MIPOL1: variants seen among roughly 807,000 people sequenced by gnomAD.
The protein encoded by MIPOL1 is mirror-image polydactyly 1.
A neutral mutation model predicts 60.9 loss-of-function variants in MIPOL1; 57 were observed. The observed-to-expected ratio is 0.94, with a 90% CI of 0.76 to 1.17. The LOEUF is 1.17. Among genes scored for constraint, MIPOL1 ranks in the 50% most tolerant of loss-of-function variants. The pLI, the probability that MIPOL1 is intolerant of heterozygous loss-of-function variation, is 0.00. For synonymous variants in MIPOL1, 179 were observed against 168.8 expected (o/e 1.06, Z -0.47); for missense variants, 551 against 511.6 (o/e 1.08, Z -0.74).
At chr14:37,309,102 T>TTTTA (rs59311227) in intron 9 of MIPOL1, among the ~76,000 whole-genome samples, 7,833 of 142,722 alleles carry the variant, frequency 0.055, 315 homozygotes, top group African/African-American at 0.12. Context: ...TTTCTTGTTA[T>TTTTA]TTTATTTATT....
intron 7 of MIPOL1, among the ~76,000 whole-genome samples, chr14:37,303,569 A>G (rs2086511748): frequency 6.6e-6 from 1 of 151,764 alleles, no homozygotes; most frequent in South Asian, 2.1e-4. Context: ...TACAGTTTTT[A>G]TTAAAGTATA....
At chr14:37,336,799 C>A (rs1027210837) in intron 9 of MIPOL1, among the ~76,000 whole-genome samples, 1 of 151,744 alleles carries the variant, frequency 6.6e-6, no homozygotes, top group Non-Finnish European at 1.5e-5. Flanking sequence ...TTCACTCTGT[C>A]GCCCAGGCTA....
At chr14:37,450,516 T>C (rs1398081645) in intron 11 of MIPOL1, among the ~76,000 whole-genome samples, 1 of 152,146 alleles carries the variant, frequency 6.6e-6, no homozygotes, top group Non-Finnish European at 1.5e-5. Context: ...AAGATAATTT[T>C]TTTAATCTCA....
intron 11 of MIPOL1, among the ~76,000 whole-genome samples, chr14:37,441,416 C>T (rs1197918804): frequency 2.0e-5 from 3 of 151,952 alleles, no homozygotes; most frequent in African/African-American, 4.8e-5. Context: ...TTTTTCTATA[C>T]GGTGAGAGAT....
At chr14:37,337,366 T>TC (rs2090240833) in intron 9 of MIPOL1, among the ~76,000 whole-genome samples, 1 of 89,640 alleles carries the variant, frequency 1.1e-5, no homozygotes, top group Non-Finnish European at 2.2e-5. Flanking sequence ...ATTTTTTTTT[T>TC]TTTTTTTTTT....
At chr14:37,475,121 G>A (rs1360653410) in intron 11 of MIPOL1, among the ~76,000 whole-genome samples, 1 of 151,788 alleles carries the variant, frequency 6.6e-6, no homozygotes, top group Non-Finnish European at 1.5e-5. Context: ...TGCACCATCA[G>A]GCCTGGCTAA....
chr14:37,222,358 G>T (rs1486886229), intron 1 of MIPOL1, among the ~76,000 whole-genome samples: 1 of 150,838 alleles, frequency 6.6e-6, no homozygotes, highest in African/African-American at 2.4e-5. Flanking sequence ...GAGTAGCTGG[G>T]ACTACAGGCA....
At chr14:37,467,098 A>C (rs1438454096) in intron 11 of MIPOL1, among the ~76,000 whole-genome samples, 2 of 152,230 alleles carry the variant, frequency 1.3e-5, no homozygotes, top group Non-Finnish European at 2.9e-5. Context: ...TAACATTATC[A>C]GACTGCAAAG....
chr14:37,271,633 A>G (rs1445894121), intron 6 of MIPOL1, among the ~76,000 whole-genome samples: 1 of 151,882 alleles, frequency 6.6e-6, no homozygotes, highest in Non-Finnish European at 1.5e-5. Context: ...TGAAAGTAAC[A>G]TATTTTAAGG....
rs527749649 is a variant in MIPOL1, at chr14:37,421,344, G to A, written c.937-1511G>A. 3.9e-5 allele frequency among the ~76,000 whole-genome samples: 6 copies of A among 152,180 alleles called. No individual in the cohort carries two copies. In the East Asian group the frequency reaches 1.2e-3, roughly 29 times the overall value. ...TAGTAAAATCTCTATTACCCGTTCAGTATTTGATATTCCTTAAATGCATGT... is the reference window on the plus strand; with the variant it reads ...TAGTAAAATCTCTATTACCCGTTCAATATTTGATATTCCTTAAATGCATGT... On this transcript the variant is annotated intron_variant, in intron 10 of 12. Coordinates refer to ENST00000684589, the MANE Select transcript of MIPOL1 (RefSeq NM_001388067.1).
intron 10 of MIPOL1, among the ~76,000 whole-genome samples, chr14:37,409,280 A>G (rs2093642155): frequency 6.6e-6 from 1 of 152,218 alleles, no homozygotes; most frequent in African/African-American, 2.4e-5. Context: ...AAAGTCATCT[A>G]AAGAATATAA....
At chr14:37,219,695 T>C (rs1968409419) in intron 1 of MIPOL1, 1 of 152,212 alleles carries the variant, frequency 6.6e-6, no homozygotes, top group Admixed American at 6.5e-5. Context: ...CACTGAGGTA[T>C]TAAGTCTTCT....
chr14:37,277,718 A>G (rs2083785162), intron 6 of MIPOL1: 1 of 151,348 alleles, frequency 6.6e-6, no homozygotes, highest in South Asian at 2.1e-4. Context: ...ATATATATTA[A>G]GAGCTTTAAA....
intron 9 of MIPOL1, among the ~76,000 whole-genome samples, chr14:37,369,278 G>A (rs546378390): frequency 4.8e-4 from 73 of 151,830 alleles, no homozygotes; most frequent in Admixed American, 2.6e-3. Context: ...AACTATTTTT[G>A]TGATTTATAT....
chr14:37,508,252 C>A (rs2095297457), intron 12 of MIPOL1, among the ~76,000 whole-genome samples: 1 of 152,116 alleles, frequency 6.6e-6, no homozygotes, highest in South Asian at 2.1e-4. Flanking sequence ...TCAAATTTTT[C>A]TTCACAACGA....
In MIPOL1 at chr14:37,297,503, G is replaced by A. The variant is rs2085861675; in HGVS notation, c.624-10553G>A. Among the ~76,000 whole-genome samples the A allele has an allele frequency of 2.0e-5, 3 of 152,248 alleles. No individual in the cohort carries two copies. The South Asian group carries it at 6.2e-4, about 32-fold the overall frequency. Reference sequence around the variant, plus strand: ...TAAAGGGCATTGAATTAGGAAAAGAGGAAGTCAAATTGTCCCTGTTTGCAG... The same window carrying A: ...TAAAGGGCATTGAATTAGGAAAAGAAGAAGTCAAATTGTCCCTGTTTGCAG... On this transcript the variant is annotated intron_variant, in intron 7 of 12. Transcript: ENST00000684589.
At chr14:37,268,866 C>T in intron 5 of MIPOL1, 73 bp downstream of exon 5, 7 of 1,206,562 alleles carry the variant, frequency 5.8e-6, no homozygotes, top group Non-Finnish European at 7.9e-6. Flanking sequence ...CTTTGTTGCC[C>T]ATCATAATTC....
At chr14:37,480,220 C>T (rs2094842020) in intron 11 of MIPOL1, among the ~76,000 whole-genome samples, 1 of 152,130 alleles carries the variant, frequency 6.6e-6, no homozygotes, top group South Asian at 2.1e-4. Flanking sequence ...CCACCATTAC[C>T]CTGATCCCAG....
intron 3 of MIPOL1, among the ~76,000 whole-genome samples, chr14:37,258,769 A>G (rs1975384214): frequency 6.6e-6 from 1 of 152,168 alleles, no homozygotes; most frequent in Non-Finnish European, 1.5e-5. Context: ...TAAATAGTTC[A>G]TACAAAGAAA....
Sources: allele counts gnomAD v4.1 joint callset (sites outside exome capture counted in the v4.1 genomes callset), GRCh38; gene constraint gnomAD v4.1.1; transcripts MANE v1.5; gene names NCBI Gene and HGNC (gene_info 2026-07-23, HGNC 2026-07-21).